TTC39A: variants seen among roughly 807,000 people sequenced by gnomAD.
TTC39A encodes tetratricopeptide repeat protein 39A.
A neutral mutation model predicts 82.3 loss-of-function variants in TTC39A; 46 were observed. That is an observed-to-expected ratio of 0.56 (90% CI 0.44 to 0.71). TTC39A has a LOEUF of 0.71. TTC39A is among the 30% of genes least tolerant of loss of function. The pLI is 0.00. For synonymous variants in TTC39A, 254 were observed against 275.2 expected, an observed-to-expected ratio of 0.92 and a Z score of 0.76; for missense variants, 543 against 712.9, an observed-to-expected ratio of 0.76 and a Z score of 2.71.
chr1:51,309,799 C>T (rs572777196), intron 5 of TTC39A, among the ~76,000 whole-genome samples: 91 of 152,206 alleles, frequency 6.0e-4, no homozygotes, highest in Non-Finnish European at 1.0e-3. Context: ...ACAGAAACAG[C>T]CCAAATGGCC....
chr1:51,302,092 C>T (rs1378745875), intron 11 of TTC39A: 1 of 720,816 alleles, frequency 1.4e-6, no homozygotes, highest in Admixed American at 2.0e-5. Context: ...CAAGCACCTC[C>T]CTCCACCTCC....
chr1:51,291,294 T>C (rs531268104), intron 14 of TTC39A, among the ~76,000 whole-genome samples: 45 of 151,382 alleles, frequency 3.0e-4, no homozygotes, highest in Middle Eastern at 6.8e-3. Context: ...AGTTCGAGAC[T>C]AGCCTGGCCA....
chr1:51,334,195 CAAA>C (rs763569273), upstream of TTC39A, among the ~76,000 whole-genome samples: 1 of 38,064 alleles, frequency 2.6e-5, no homozygotes, highest in East Asian at 5.6e-4. Flanking sequence ...CCTGTCTCTA[CAAA>C]AAAAAAAAAA....
chr1:51,312,486 C>A (rs888080412), intron 3 of TTC39A, among the ~76,000 whole-genome samples: 1 of 152,304 alleles, frequency 6.6e-6, no homozygotes, highest in Admixed American at 6.5e-5. Context: ...GGTGATGCTG[C>A]TCCTGGCAGC....
rs1645846462 is a variant in TTC39A at position 51,330,032 on chromosome 1, C to G, written c.41+405G>C. 1.5e-6 allele frequency: 1 copy of G among 659,292 alleles called. No homozygotes were observed. The highest frequency in any genetic ancestry group is 6.3e-5 in the Admixed American group (1 of 15,858). The allele number at this position is 659,292 out of a possible 1,614,324, so 40.8% of individuals were successfully genotyped here. A position where few individuals can be genotyped will look rare whatever the true frequency, so the allele number is the denominator to read the frequency against. On this transcript the variant is annotated intron_variant, in intron 1 of 17. Transcript: ENST00000680483. The surrounding 1 kb of genome is among the most constrained non-coding windows in gnomAD (Gnocchi z 4.5). ...AACTGAGTTCAAATCCCACCCGCAA[C>G]TCTTACCTCCTGGGTGACCGATGAC...
chr1:51,303,077 C>T lies in TTC39A; in HGVS notation c.763+7G>A, dbSNP rs748060694. 3 of 1,582,392 alleles carry T rather than the reference C, an allele frequency of 1.9e-6. No homozygotes were observed. Among genetic ancestry groups the T allele is most frequent in the East Asian group, 4.6e-5 (2 of 43,032 alleles). Reference sequence around the variant, plus strand: ...CCCCAGGGCCCCAGGTCCCCCTGTACACCTACCGAGCACGAAGGTGAGGAA... The same window carrying T: ...CCCCAGGGCCCCAGGTCCCCCTGTATACCTACCGAGCACGAAGGTGAGGAA... On this transcript the variant is annotated splice_region_variant and intron_variant, in intron 9 of 17. Coordinates refer to ENST00000680483, the MANE Select transcript of TTC39A (RefSeq NM_001297663.2).
Position 51,289,989 on chromosome 1 carries a change from C to A in TTC39A, c.1493+16G>T. On this transcript the variant is annotated intron_variant, in intron 16 of 17. Transcript: ENST00000680483. Reference sequence around the variant, plus strand: ...GGAGACTCAGACCCAGAAGGAGCAGCTGCAGAGGCACTTACTTGGCAGAGA... The same window carrying A: ...GGAGACTCAGACCCAGAAGGAGCAGATGCAGAGGCACTTACTTGGCAGAGA... The A allele has an allele frequency of 6.2e-7, 1 of 1,605,944 alleles. No individual in the cohort carries two copies. The highest frequency in any genetic ancestry group is 8.5e-7 in the Non-Finnish European group (1 of 1,174,870).
intron 2 of TTC39A, among the ~76,000 whole-genome samples, chr1:51,320,851 C>A (rs1645486454): frequency 6.7e-6 from 1 of 149,248 alleles, no homozygotes; most frequent in South Asian, 2.1e-4. Flanking sequence ...AAATTCTCAT[C>A]TATCAGTAGA....
chr1:51,326,650 T>C (rs1226511877), intron 1 of TTC39A, among the ~76,000 whole-genome samples: 5 of 152,160 alleles, frequency 3.3e-5, no homozygotes, highest in Admixed American at 6.5e-5. Flanking sequence ...GGACAGGCAG[T>C]GAAGACAGGA....
rs1644356816 is a variant in TTC39A, at chr1:51,294,902, C to T, written c.1146-391G>A. Among the ~76,000 whole-genome samples the T allele has an allele frequency of 1.3e-5, 2 of 152,240 alleles. No individual in the cohort carries two copies. Among genetic ancestry groups the T allele is most frequent in the Non-Finnish European group, 2.9e-5 (2 of 68,038 alleles). ...ACCAACACTCGGAGAAAGGGTGGGA[C>T]CTACCCAAGACCAAACAGCTCAAAC... On this transcript the variant is annotated intron_variant, in intron 13 of 17. Transcript: ENST00000680483. This position sits in a 1 kb window ranked among gnomAD's most constrained non-coding sequence, Gnocchi z 4.3.
chr1:51,295,293 G>A (rs1644372481), intron 13 of TTC39A, among the ~76,000 whole-genome samples: 1 of 152,208 alleles, frequency 6.6e-6, no homozygotes, highest in African/African-American at 2.4e-5. Context: ...TGTAGTAGCA[G>A]ACACTCTGTA....
rs148660326 is a variant in TTC39A, at chr1:51,342,505, C to T, written c.53+2486G>A. 6.3e-4 allele frequency among the ~76,000 whole-genome samples: 96 copies of T among 152,308 alleles called. 3 individuals carry two copies. The South Asian group carries it at 0.019, about 30-fold the overall frequency. ...CAATGTCAAAGAGCCAGTAAGTAAGCGGCAGAGCAGGGGTTGAGCACCCCT... is the reference window on the plus strand; with the variant it reads ...CAATGTCAAAGAGCCAGTAAGTAAGTGGCAGAGCAGGGGTTGAGCACCCCT... On this transcript the variant is annotated intron_variant, in intron 1 of 5. Coordinates refer to the TTC39A transcript ENST00000401051.
chr1:51,337,639 C>G (rs1051370126), intron 1 of TTC39A, among the ~76,000 whole-genome samples: 12 of 151,944 alleles, frequency 7.9e-5, no homozygotes, highest in Non-Finnish European at 1.8e-4. Context: ...GTTGGCCAGG[C>G]TGGTCTTGAA....
rs188819069 is a variant in TTC39A at position 51,321,005 on chromosome 1, T to C, written c.146+716A>G. 6.4e-4 allele frequency among the ~76,000 whole-genome samples: 97 copies of C among 151,810 alleles called. 2 individuals carry two copies. In the East Asian group the frequency reaches 0.016, roughly 26 times the overall value. ...CCCCTTCCTCAGCCTCCTGAGTAGC[T>C]GGGATTACAGGCACACACCACCACA... On this transcript the variant is annotated intron_variant, in intron 2 of 17. Coordinates refer to ENST00000680483, the MANE Select transcript of TTC39A (RefSeq NM_001297663.2). The surrounding 1 kb of genome is among the most constrained non-coding windows in gnomAD (Gnocchi z 4.6).
chr1:51,330,369 C>G lies in TTC39A; in HGVS notation c.41+68G>C. 2 of 941,892 alleles carry G rather than the reference C, an allele frequency of 2.1e-6. No homozygotes were observed. Among genetic ancestry groups the G allele is most frequent in the Non-Finnish European group, 1.3e-6 (1 of 792,782 alleles). 58.3% of individuals were successfully genotyped at this position (941,892 alleles called of 1,614,324 possible). The stretch of plus-strand genomic sequence containing the variant: ...GTGCGCGGGGGGAGGCCTGGCGCGG[C>G]GCCCGCCACCTGCCCGGGCCCCAGC... On this transcript the variant is annotated intron_variant, in intron 1 of 17. Transcript: ENST00000680483. This position sits in a 1 kb window ranked among gnomAD's most constrained non-coding sequence, Gnocchi z 4.5.
At position 51,311,258 on chromosome 1, in the gene TTC39A, A is replaced by T; in HGVS notation, c.419T>A (p.Leu140Gln). The T allele has an allele frequency of 6.3e-7, 1 of 1,581,232 alleles. No homozygotes were observed. The highest frequency in any genetic ancestry group is 8.6e-7 in the Non-Finnish European group (1 of 1,163,468). ...TGTACAAGTGGGGGTCCCTACCTGC[A>T]GGAAGGTCAGGGCTGCTCGCTGCAG... ...CLLQRAALTF[L>Q]QDENMVSFIK... The change falls in exon 5 of 18, where the codon CTG becomes CAG. Residue 140 changes from leucine to glutamine, a missense_variant. Transcript: ENST00000680483.
At chr1:51,302,612 AC>A (rs767814771) in intron 9 of TTC39A, 39 bp from the exon 10 acceptor site, 19 of 1,567,170 alleles carry the variant, frequency 1.2e-5, no homozygotes, top group Admixed American at 1.9e-5. Context: ...ACATGTCACC[AC>A]CCCTGGCTCC....
intron 5 of TTC39A, 138 bp downstream of exon 5, chr1:51,311,116 G>A: frequency 2.5e-6 from 2 of 794,360 alleles, no homozygotes; most frequent in Non-Finnish European, 1.9e-6. Flanking sequence ...TGTGAAGGAT[G>A]GGACACGATT....
intron 13 of TTC39A, 52 bp downstream of exon 13, chr1:51,296,027 G>T (rs746013407): frequency 6.5e-7 from 1 of 1,540,138 alleles, no homozygotes; most frequent in South Asian, 1.2e-5. Flanking sequence ...TGTCCATAGC[G>T]GCCTACACGG....
Sources: gnomAD v4.1 joint callset for allele counts (sites outside exome capture counted in the v4.1 genomes callset) on GRCh38, gnomAD v4.1.1 for gene constraint, Gnocchi (gnomAD v3.1) non-coding constraint, MANE v1.5 for transcripts, NCBI Gene and HGNC (gene_info 2026-07-23, HGNC 2026-07-21) for gene names.